RGL1: variants seen among roughly 807,000 people sequenced by gnomAD.
The protein encoded by RGL1 is ral guanine nucleotide dissociation stimulator-like 1.
Under a neutral mutation model 95.2 loss-of-function variants are expected in RGL1, and 24 were observed. That is an observed-to-expected ratio of 0.25 (90% CI 0.18 to 0.35). The LOEUF is 0.35. RGL1 is among the 10% of genes least tolerant of loss of function. The pLI, the probability that RGL1 is intolerant of heterozygous loss-of-function variation, is 1.00. For synonymous variants in RGL1, 329 were observed against 344.9 expected, an observed-to-expected ratio of 0.95 and a Z score of 0.51; for missense variants, 715 against 936.3, an observed-to-expected ratio of 0.76 and a Z score of 3.08.
In RGL1 at chr1:183,866,206, T is replaced by G. The variant is rs561306159; in HGVS notation, c.425+133T>G. The G allele has an allele frequency of 6.0e-6, 4 of 665,458 alleles. No individual in the cohort carries two copies. In the South Asian group the frequency reaches 7.7e-5, roughly 13 times the overall value. 41.2% of individuals were successfully genotyped at this position (665,458 alleles called of 1,614,324 possible). ...ATAGTGCATACAGAGGCTTATTTTT[T>G]GATTACCTAACAATATTCATTTATG... is the stretch of plus-strand genomic sequence containing the variant. On this transcript the variant is annotated intron_variant, in intron 4 of 17. Coordinates refer to ENST00000360851, the MANE Select transcript of RGL1 (RefSeq NM_001297671.3).
chr1:183,819,279 A>G (rs1340902051), intron 2 of RGL1, among the ~76,000 whole-genome samples: 3 of 152,196 alleles, frequency 2.0e-5, no homozygotes, highest in Non-Finnish European at 4.4e-5. Context: ...GCCCATAATG[A>G]TGAGGCCTGT....
At chr1:183,802,727 C>A (rs530902778), upstream of RGL1, among the ~76,000 whole-genome samples, 1 of 152,054 alleles carries the variant, frequency 6.6e-6, no homozygotes, top group Admixed American at 6.5e-5. Flanking sequence ...CAAAGCAATC[C>A]CATTTACAAT....
At chr1:183,733,058 G>A (rs2102234289) in intron 1 of RGL1, among the ~76,000 whole-genome samples, 2 of 152,186 alleles carry the variant, frequency 1.3e-5, no homozygotes, top group Middle Eastern at 6.8e-3. Flanking sequence ...ATGAATGCAG[G>A]ATGCATTCTA....
rs908755807 is a variant in RGL1 at position 183,882,160 on chromosome 1, G to A, written c.610+1360G>A. ...TTTAAAAAGTAAAATCGTGCTTCAT[G>A]TTGTTACTTATCTCTGGAGGAGAAT... On this transcript the variant is annotated intron_variant, in intron 5 of 17. Coordinates refer to ENST00000360851, the MANE Select transcript of RGL1 (RefSeq NM_001297671.3). Among the ~76,000 whole-genome samples, 7 of 152,250 alleles carry A rather than the reference G, an allele frequency of 4.6e-5. No homozygotes were observed. The East Asian group carries it at 1.2e-3, about 25-fold the overall frequency.
chr1:183,806,118 T>A (rs1291157845), intron 1 of RGL1, among the ~76,000 whole-genome samples: 1 of 151,894 alleles, frequency 6.6e-6, no homozygotes, highest in Non-Finnish European at 1.5e-5. Context: ...ATTTAAGATA[T>A]GTGAGCAAGT....
chr1:183,857,171 A>G (rs1244414602), intron 3 of RGL1, among the ~76,000 whole-genome samples: 1 of 152,188 alleles, frequency 6.6e-6, no homozygotes, highest in African/African-American at 2.4e-5. Flanking sequence ...AGATACAAGG[A>G]TGGAAATGGG....
chr1:183,645,505 A>C (rs1474993970), intron 1 of RGL1, among the ~76,000 whole-genome samples: 1 of 152,118 alleles, frequency 6.6e-6, no homozygotes, highest in South Asian at 2.1e-4. Flanking sequence ...CTTTATTTCC[A>C]TTAGTTCTAT....
At chr1:183,894,725 C>T (rs1667595841) in intron 9 of RGL1, among the ~76,000 whole-genome samples, 1 of 151,986 alleles carries the variant, frequency 6.6e-6, no homozygotes, top group South Asian at 2.1e-4. Context: ...TATGTAGTCT[C>T]ATTATTTTTC....
intron 2 of RGL1, among the ~76,000 whole-genome samples, chr1:183,789,316 G>A (rs1660332462): frequency 1.3e-5 from 2 of 152,230 alleles, no homozygotes; most frequent in Non-Finnish European, 2.9e-5. Context: ...TGGGCATGGT[G>A]GCAGGTGCCT....
chr1:183,720,170 A>G (rs1306108154), intron 1 of RGL1, among the ~76,000 whole-genome samples: 1 of 152,212 alleles, frequency 6.6e-6, no homozygotes, highest in Non-Finnish European at 1.5e-5. Flanking sequence ...AAATGAAGTA[A>G]AGGAAAAATA....
rs553451834 is a variant in RGL1 at position 183,805,934 on chromosome 1, T to C, written c.28-441T>C. On this transcript the variant is annotated intron_variant, in intron 1 of 17. Transcript: ENST00000360851. ...AGCCACTCTAAAAAGTACAGACTTA[T>C]TCTTTTCTTTTTTTCTTTTTCTTTT... is the stretch of plus-strand genomic sequence containing the variant. Among the ~76,000 whole-genome samples the C allele has an allele frequency of 2.8e-3, 423 of 150,330 alleles. 2 individuals carry two copies. The highest frequency in any genetic ancestry group is 0.014 in the Middle Eastern group (4 of 290).
At chr1:183,909,772 G>A (rs181999749) in intron 14 of RGL1, among the ~76,000 whole-genome samples, 2 of 152,204 alleles carry the variant, frequency 1.3e-5, no homozygotes, top group East Asian at 3.9e-4. Flanking sequence ...TTTAGGTTCA[G>A]CCCACGTGCT....
chr1:183,894,726 A>T (rs1214109528), intron 9 of RGL1, among the ~76,000 whole-genome samples: 1 of 152,092 alleles, frequency 6.6e-6, no homozygotes, highest in Non-Finnish European at 1.5e-5. Context: ...ATGTAGTCTC[A>T]TTATTTTTCT....
rs1364428985 is a variant in RGL1, at chr1:183,726,664, C to A, written c.-32-15462C>A. 4.6e-5 allele frequency among the ~76,000 whole-genome samples: 7 copies of A among 152,246 alleles called. No homozygotes were observed. In the East Asian group the frequency reaches 1.2e-3, roughly 25 times the overall value. On this transcript the variant is annotated intron_variant, in intron 1 of 18. Coordinates refer to the RGL1 transcript ENST00000304685. ...AAAATGTATAGGCCCAGATTTATTA[C>A]CTGGTCAATTCTATTACCGGGTCAG...
At chr1:183,693,310 T>C (rs1441209250) in intron 1 of RGL1, among the ~76,000 whole-genome samples, 1 of 152,112 alleles carries the variant, frequency 6.6e-6, no homozygotes, top group Non-Finnish European at 1.5e-5. Context: ...CTAACAGTCC[T>C]AGAAGGCTAT....
At chr1:183,745,838 T>C (rs1657591237) in intron 2 of RGL1, among the ~76,000 whole-genome samples, 3 of 152,144 alleles carry the variant, frequency 2.0e-5, no homozygotes, top group Non-Finnish European at 4.4e-5. Context: ...GATTTGGATT[T>C]CAGTAAATTT....
At chr1:183,657,772 G>A (rs1282374376) in intron 1 of RGL1, among the ~76,000 whole-genome samples, 1 of 151,616 alleles carries the variant, frequency 6.6e-6, no homozygotes, top group Non-Finnish European at 1.5e-5. Context: ...TGTCTTTATA[G>A]CAGCATGATT....
chr1:183,683,993 C>T (rs1315488948), intron 1 of RGL1, among the ~76,000 whole-genome samples: 1 of 152,082 alleles, frequency 6.6e-6, no homozygotes, highest in Non-Finnish European at 1.5e-5. Flanking sequence ...ACAAAGTTCT[C>T]GTGCTGTGTT....
At chr1:183,642,422 G>C (rs1183991341) in intron 1 of RGL1, among the ~76,000 whole-genome samples, 4 of 152,200 alleles carry the variant, frequency 2.6e-5, no homozygotes, top group Non-Finnish European at 5.9e-5. Context: ...GAGTATGTCA[G>C]ATTCTGGGGT....
Sources: gnomAD v4.1 joint callset for allele counts (sites outside exome capture counted in the v4.1 genomes callset) on GRCh38, gnomAD v4.1.1 for gene constraint, MANE v1.5 for transcripts, NCBI Gene and HGNC (gene_info 2026-07-23, HGNC 2026-07-21) for gene names.